PPARGC1A: variants seen among roughly 807,000 people sequenced by gnomAD.
PPARGC1A encodes peroxisome proliferator-activated receptor gamma coactivator 1-alpha.
In PPARGC1A, 25 loss-of-function variants were observed where a neutral mutation model predicts 88.7. The observed-to-expected ratio is 0.28, with a 90% CI of 0.21 to 0.39. The LOEUF (loss-of-function observed/expected upper bound fraction) is 0.39, where lower values mean the gene tolerates loss of function less well. Among genes scored for constraint, PPARGC1A ranks in the 10% least tolerant of loss-of-function variants. The probability of loss-of-function intolerance (pLI) is 1.00; values close to 1 mark genes in which losing one functional copy is unlikely to be tolerated. For synonymous variants in PPARGC1A, 363 were observed against 355.6 expected, an observed-to-expected ratio of 1.02 and a Z score of -0.24; for missense variants, 880 against 968.7, an observed-to-expected ratio of 0.91 and a Z score of 1.22.
At chr4:24,297,215 C>T in the PPARGC1A span, among the ~76,000 whole-genome samples, 1 of 152,154 alleles carries the variant, frequency 6.6e-6, no homozygotes, top group South Asian at 2.1e-4. Context: ...ATGAGGTAGG[C>T]ATCACAACCT....
the PPARGC1A span, among the ~76,000 whole-genome samples, chr4:24,026,767 G>A: frequency 4.6e-5 from 7 of 152,132 alleles, no homozygotes; most frequent in South Asian, 2.1e-4. Context: ...GGAGCAGGGT[G>A]TATAGGAAAG....
At chr4:24,180,655 C>T in the PPARGC1A span, among the ~76,000 whole-genome samples, 1 of 152,100 alleles carries the variant, frequency 6.6e-6, no homozygotes, top group Non-Finnish European at 1.5e-5. Context: ...TCCCCACTGA[C>T]TTTTTTACTC....
At chr4:24,378,639 G>A in the PPARGC1A span, among the ~76,000 whole-genome samples, 1 of 152,064 alleles carries the variant, frequency 6.6e-6, no homozygotes, top group South Asian at 2.1e-4. Flanking sequence ...AAGAGTTGAT[G>A]TTACTTTGAA....
At chr4:24,203,183 G>T in the PPARGC1A span, among the ~76,000 whole-genome samples, 1 of 152,206 alleles carries the variant, frequency 6.6e-6, no homozygotes, top group African/African-American at 2.4e-5. Context: ...GAAACTTCCA[G>T]ATGAGAGGTA....
chr4:24,169,880 A>G, the PPARGC1A span, among the ~76,000 whole-genome samples: 2 of 152,116 alleles, frequency 1.3e-5, no homozygotes, highest in African/African-American at 2.4e-5. Context: ...TCCACATGAC[A>G]CATAAACTAT....
At chr4:23,950,967 G>A in the PPARGC1A span, among the ~76,000 whole-genome samples, 4 of 152,042 alleles carry the variant, frequency 2.6e-5, no homozygotes, top group African/African-American at 9.7e-5. Context: ...GGACACTAAG[G>A]CTACCTTGAG....
the PPARGC1A span, among the ~76,000 whole-genome samples, chr4:24,366,845 A>G: frequency 6.6e-6 from 1 of 152,202 alleles, no homozygotes; most frequent in Non-Finnish European, 1.5e-5. Flanking sequence ...TGAAATAGAA[A>G]CGAGTATTTT....
intron 10 of PPARGC1A, among the ~76,000 whole-genome samples, chr4:23,811,939 A>G (rs1164729027): frequency 1.5e-5 from 1 of 67,876 alleles, no homozygotes; most frequent in Non-Finnish European, 2.7e-5. Context: ...TTTTTTTGAG[A>G]CAGAGTCTCA....
the PPARGC1A span, among the ~76,000 whole-genome samples, chr4:24,296,221 A>T: frequency 6.7e-6 from 1 of 150,064 alleles, no homozygotes. Context: ...ATATATATTT[A>T]TATATATATA....
intron 1 of PPARGC1A, among the ~76,000 whole-genome samples, chr4:23,898,998 G>T (rs891719976): frequency 6.6e-5 from 10 of 151,940 alleles, no homozygotes. Context: ...ACGACGCCCG[G>T]CTAATTTTTT....
the PPARGC1A span, among the ~76,000 whole-genome samples, chr4:23,936,234 T>C: frequency 3.3e-5 from 5 of 152,196 alleles, no homozygotes; most frequent in African/African-American, 1.2e-4. Flanking sequence ...TATTAGCATG[T>C]CTAATACCCC....
At chr4:23,906,501 T>C (rs984742577), upstream of PPARGC1A, among the ~76,000 whole-genome samples, 5 of 148,348 alleles carry the variant, frequency 3.4e-5, no homozygotes, top group African/African-American at 1.3e-4. Context: ...TAATCCCAGC[T>C]ACTCAGGAGA....
At chr4:24,049,732 T>G in the PPARGC1A span, among the ~76,000 whole-genome samples, 1 of 152,144 alleles carries the variant, frequency 6.6e-6, no homozygotes, top group East Asian at 1.9e-4. Flanking sequence ...CCCTTTTTCA[T>G]TATCTAAGAC....
At chr4:23,922,323 C>G in the PPARGC1A span, among the ~76,000 whole-genome samples, 1 of 152,182 alleles carries the variant, frequency 6.6e-6, no homozygotes, top group Admixed American at 6.5e-5. Context: ...AGGAACATCT[C>G]CAAGACAACT....
At chr4:24,221,186 G>A in the PPARGC1A span, among the ~76,000 whole-genome samples, 2 of 152,090 alleles carry the variant, frequency 1.3e-5, no homozygotes, top group Non-Finnish European at 2.9e-5. Flanking sequence ...AAGATAAAAT[G>A]TTTCCCTCCG....
At chr4:23,889,166 T>C (rs2148850525) in intron 1 of PPARGC1A, 1 of 985,310 alleles carries the variant, frequency 1.0e-6, no homozygotes, top group African/African-American at 1.7e-5. Context: ...AGCGAGCAGC[T>C]CCACACACAG....
the PPARGC1A span, among the ~76,000 whole-genome samples, chr4:24,205,556 T>C: frequency 2.0e-5 from 3 of 152,192 alleles, no homozygotes; most frequent in Non-Finnish European, 4.4e-5. Context: ...AAAATTATGA[T>C]GTGAAATTAG....
the PPARGC1A span, among the ~76,000 whole-genome samples, chr4:24,171,572 C>T: frequency 1.3e-5 from 2 of 152,132 alleles, no homozygotes; most frequent in Non-Finnish European, 2.9e-5. Flanking sequence ...GAGATTAGGA[C>T]TCTTGGTTCA....
intron 11 of PPARGC1A, 79 bp downstream of exon 11, chr4:23,802,145 T>C: frequency 6.3e-7 from 1 of 1,588,350 alleles, no homozygotes; most frequent in South Asian, 1.1e-5. Flanking sequence ...CATTGGCAAC[T>C]CCCATCCCAG....
Sources: gnomAD v4.1 joint callset for allele counts (sites outside exome capture counted in the v4.1 genomes callset) on GRCh38, gnomAD v4.1.1 for gene constraint, MANE v1.5 for transcripts, NCBI Gene and HGNC (gene_info 2026-07-23, HGNC 2026-07-21) for gene names.